Variants in THNSL1 observed in about 807,000 individuals in gnomAD.
THNSL1 encodes the protein threonine synthase-like 1.
Under a neutral mutation model 50.4 loss-of-function variants are expected in THNSL1, and 48 were observed. The ratio of observed to expected loss-of-function variants is 0.95; its 90% confidence interval spans 0.76 to 1.21. The LOEUF is 1.21. Among genes scored for constraint, THNSL1 ranks in the 50% most tolerant of loss-of-function variants. The pLI, the probability that THNSL1 is intolerant of heterozygous loss-of-function variation, is 0.00. For synonymous variants in THNSL1, 309 were observed against 306.1 expected (o/e 1.01, Z -0.10); for missense variants, 896 against 871.7 (o/e 1.03, Z -0.35).
At chr10:24,984,267 G>A in the THNSL1 span, 15 of 1,291,698 alleles carry the variant, frequency 1.2e-5, no homozygotes, top group Non-Finnish European at 1.6e-5. Context: ...CATTTGTGGA[G>A]CTCAGAAACA....
At chr10:24,981,647 C>T in the THNSL1 span, among the ~76,000 whole-genome samples, 295 of 152,264 alleles carry the variant, frequency 1.9e-3, 9 homozygotes, top group East Asian at 0.052. Context: ...TCTTTCTACG[C>T]GCCAGGAACT....
chr10:24,976,580 C>G, the THNSL1 span, among the ~76,000 whole-genome samples: 1 of 152,082 alleles, frequency 6.6e-6, no homozygotes, highest in African/African-American at 2.4e-5. Context: ...ACCTCCGCCT[C>G]CTGGGTTCAA....
intron 1 of THNSL1, among the ~76,000 whole-genome samples, chr10:25,018,894 T>G (rs898056045): frequency 6.6e-6 from 1 of 152,152 alleles, no homozygotes; most frequent in Non-Finnish European, 1.5e-5. Context: ...TTAGTCAGCT[T>G]TGATAGTAAT....
chr10:24,993,983 A>G, the THNSL1 span, among the ~76,000 whole-genome samples: 4 of 152,176 alleles, frequency 2.6e-5, no homozygotes, highest in Non-Finnish European at 5.9e-5. Flanking sequence ...TGGGACAACG[A>G]CTATAAAACA....
the THNSL1 span, among the ~76,000 whole-genome samples, chr10:24,978,263 A>T: frequency 6.6e-6 from 1 of 152,194 alleles, no homozygotes; most frequent in Non-Finnish European, 1.5e-5. Flanking sequence ...CACAATTTTT[A>T]AAATTATGAA....
chr10:24,994,336 C>CTT, the THNSL1 span, among the ~76,000 whole-genome samples: 15 of 137,708 alleles, frequency 1.1e-4, no homozygotes, highest in African/African-American at 1.6e-4. Flanking sequence ...ATTCTGCACT[C>CTT]TTTTTTTTTT....
the THNSL1 span, among the ~76,000 whole-genome samples, chr10:24,980,580 G>A: frequency 6.6e-6 from 1 of 152,114 alleles, no homozygotes; most frequent in South Asian, 2.1e-4. Flanking sequence ...AACTAGAACA[G>A]TTCTTGGCAC....
At chr10:24,995,441 A>G in the THNSL1 span, among the ~76,000 whole-genome samples, 1 of 152,216 alleles carries the variant, frequency 6.6e-6, no homozygotes, top group Non-Finnish European at 1.5e-5. Flanking sequence ...TATCTACTGA[A>G]CTATATGGAA....
upstream of THNSL1, among the ~76,000 whole-genome samples, chr10:25,015,300 A>G (rs1047402394): frequency 4.6e-5 from 7 of 152,262 alleles, no homozygotes; most frequent in Non-Finnish European, 8.8e-5. Flanking sequence ...TTCCATTTAA[A>G]CCATTAGATC....
the THNSL1 span, chr10:24,999,626 C>T: frequency 1.6e-6 from 2 of 1,260,906 alleles, no homozygotes; most frequent in Admixed American, 4.6e-5. Flanking sequence ...TTAAATCTTA[C>T]ATTTTTAATT....
chr10:24,984,715 A>G, the THNSL1 span: 1 of 1,577,870 alleles, frequency 6.3e-7, no homozygotes, highest in Non-Finnish European at 8.6e-7. Context: ...AAATTGTTAT[A>G]CTTTAAAGAT....
the THNSL1 span, among the ~76,000 whole-genome samples, chr10:24,958,706 C>G: frequency 6.6e-6 from 1 of 152,166 alleles, no homozygotes; most frequent in Non-Finnish European, 1.5e-5. Flanking sequence ...ATTACACTTT[C>G]GTTAGTAATT....
chr10:24,956,176 G>A, the THNSL1 span, among the ~76,000 whole-genome samples: 22 of 151,136 alleles, frequency 1.5e-4, no homozygotes, highest in South Asian at 4.4e-3. Flanking sequence ...GGGTACACAC[G>A]CAGGTTTGTT....
the THNSL1 span, among the ~76,000 whole-genome samples, chr10:24,977,230 T>C: frequency 6.6e-6 from 1 of 152,234 alleles, no homozygotes; most frequent in African/African-American, 2.4e-5. Flanking sequence ...TAGGTGTAAT[T>C]CTTCTATAGA....
chr10:24,995,170 A>C, the THNSL1 span, among the ~76,000 whole-genome samples: 1 of 152,222 alleles, frequency 6.6e-6, no homozygotes, highest in African/African-American at 2.4e-5. Flanking sequence ...TTCATGTTAA[A>C]ATAGGAATGT....
chr10:24,991,082 G>C, the THNSL1 span, among the ~76,000 whole-genome samples: 2 of 152,164 alleles, frequency 1.3e-5, no homozygotes, highest in Non-Finnish European at 2.9e-5. Flanking sequence ...GGGTGTCAGA[G>C]TGTGACTCCA....
the THNSL1 span, among the ~76,000 whole-genome samples, chr10:24,970,401 C>T: frequency 2.0e-5 from 3 of 152,164 alleles, no homozygotes; most frequent in Admixed American, 2.0e-4. Context: ...TAGACAGAAT[C>T]CTTCCTTTAA....
chr10:25,024,347 T>A lies in THNSL1; in HGVS notation c.1124T>A (p.Leu375His). Residue 375 changes from leucine to histidine, a missense_variant, in exon 3 of 3, where the codon CTT becomes CAT. Leu to His is a moderately conservative substitution (Grantham distance 99). Coordinates refer to ENST00000376356, the MANE Select transcript of THNSL1 (RefSeq NM_024838.5). ...CIPPSCNYMI[L>H]VATSGDTGSA... is the part of the protein sequence containing the mutation. ...CCACCAAGTTGCAATTATATGATACTTGTAGCTACTTCAGGAGACACAGGG... is the reference window on the plus strand; with the variant it reads ...CCACCAAGTTGCAATTATATGATACATGTAGCTACTTCAGGAGACACAGGG... 2 of 1,614,146 alleles carry A rather than the reference T, an allele frequency of 1.2e-6. No homozygotes were observed. The highest frequency in any genetic ancestry group is 1.7e-6 in the Non-Finnish European group (2 of 1,180,034).
In THNSL1 at chr10:25,024,860, C is replaced by T; in HGVS notation, c.1637C>T (p.Thr546Ile). 1 of 1,614,062 alleles carries T rather than the reference C, an allele frequency of 6.2e-7. No individual in the cohort carries two copies. Among genetic ancestry groups the T allele is most frequent in the Non-Finnish European group, 8.5e-7 (1 of 1,180,022 alleles). Residue 546 changes from threonine (T) to isoleucine (I), a missense_variant, in exon 3 of 3, where the codon ACA becomes ATA. Transcript: ENST00000376356. ...CATGTTTTGACTGATTTTATAAAAA[C>T]AGGACATTATGATCTAAGGGAAAGA... ...QNHVLTDFIK[T>I]GHYDLRERKL... is the part of the protein sequence containing the mutation.
Sources: allele counts gnomAD v4.1 joint callset (sites outside exome capture counted in the v4.1 genomes callset), GRCh38; gene constraint gnomAD v4.1.1; transcripts MANE v1.5; gene names NCBI Gene and HGNC (gene_info 2026-07-23, HGNC 2026-07-21).